LOC114841035: variants seen among roughly 807,000 people sequenced by gnomAD.
the LOC114841035 span, chr11:64,242,613 A>G: frequency 0.18 from 262,512 of 1,495,130 alleles, 23,979 homozygotes; most frequent in Admixed American, 0.3. Flanking sequence ...AGGACCAGAG[A>G]GTGCTTGGGA....
At chr11:64,243,064 T>G in the LOC114841035 span, 23 of 728,882 alleles carry the variant, frequency 3.2e-5, no homozygotes, top group Admixed American at 1.4e-4. Flanking sequence ...AGAGACTCCA[T>G]CTCAAAAAAC....
the LOC114841035 span, chr11:64,243,445 C>T: frequency 9.9e-6 from 16 of 1,614,054 alleles, no homozygotes; most frequent in Middle Eastern, 1.7e-4. Flanking sequence ...ATGTGTCTTC[C>T]TGCAGGATGT....
the LOC114841035 span, chr11:64,243,345 GC>G: frequency 1.3e-6 from 2 of 1,598,498 alleles, no homozygotes; most frequent in Non-Finnish European, 1.7e-6. Flanking sequence ...GGGAGTGGGG[GC>G]GTGCATGGCC....
the LOC114841035 span, chr11:64,243,629 G>T: frequency 8.8e-6 from 11 of 1,254,822 alleles, no homozygotes; most frequent in Non-Finnish European, 1.3e-5. Context: ...AAGTTTGGCT[G>T]TGTCTAGCAG....
chr11:64,242,462 C>T, the LOC114841035 span: 1 of 1,547,298 alleles, frequency 6.5e-7, no homozygotes, highest in Non-Finnish European at 8.7e-7. Context: ...CCACGGGGGC[C>T]GAGGGCAAAA....
the LOC114841035 span, chr11:64,243,310 G>T: frequency 1.2e-6 from 2 of 1,602,924 alleles, no homozygotes; most frequent in South Asian, 2.2e-5. Context: ...GGGGCTGCTG[G>T]GGTGAGTCAT....
At chr11:64,243,378 G>A in the LOC114841035 span, 1 of 1,607,198 alleles carries the variant, frequency 6.2e-7, no homozygotes. Flanking sequence ...GGTAAGCTGT[G>A]GGAGGCAAGC....
chr11:64,243,259 T>C, the LOC114841035 span: 1 of 1,612,836 alleles, frequency 6.2e-7, no homozygotes, highest in Non-Finnish European at 8.5e-7. Context: ...GCCCTTTGTC[T>C]TCTCCCTTGG....
At chr11:64,241,292 G>A in the LOC114841035 span, 1 of 152,312 alleles carries the variant, frequency 6.6e-6, no homozygotes. Context: ...GCCGCAGGGG[G>A]AGGGTTCTCA....
the LOC114841035 span, chr11:64,243,149 G>T: frequency 6.6e-7 from 1 of 1,522,206 alleles, no homozygotes; most frequent in Non-Finnish European, 9.1e-7. Flanking sequence ...GAGGGAGGGG[G>T]TGTCAGGGGT....
chr11:64,243,479 G>C, the LOC114841035 span: 1 of 1,613,962 alleles, frequency 6.2e-7, no homozygotes, highest in Non-Finnish European at 8.5e-7. Flanking sequence ...GCGCAAGCTG[G>C]TGATCCCATC....
the LOC114841035 span, chr11:64,242,082 C>A: frequency 3.3e-6 from 1 of 301,332 alleles, no homozygotes; most frequent in South Asian, 6.1e-5. Flanking sequence ...AACTGAAGAG[C>A]GGAGGTGGGG....
At chr11:64,243,915 G>A in the LOC114841035 span, 4 of 1,613,998 alleles carry the variant, frequency 2.5e-6, no homozygotes, top group Non-Finnish European at 3.4e-6. Flanking sequence ...CCTGCAGCCA[G>A]CCCACCTCCC....
the LOC114841035 span, chr11:64,243,669 C>A: frequency 8.7e-7 from 1 of 1,150,408 alleles, no homozygotes; most frequent in Non-Finnish European, 1.3e-6. Flanking sequence ...TTGAAGCACT[C>A]AGCTGTAGTG....
chr11:64,242,626 C>G, the LOC114841035 span: 396 of 1,476,058 alleles, frequency 2.7e-4, no homozygotes, highest in Admixed American at 3.4e-4. Flanking sequence ...GCTTGGGAGT[C>G]TGGTTCTCCA....
chr11:64,242,641 C>T, the LOC114841035 span: 6 of 1,424,816 alleles, frequency 4.2e-6, no homozygotes, highest in Non-Finnish European at 5.6e-6. Context: ...TCTCCATAAG[C>T]CAGGTAGGTG....
At chr11:64,242,350 C>T in the LOC114841035 span, 2 of 1,473,574 alleles carry the variant, frequency 1.4e-6, no homozygotes, top group Non-Finnish European at 1.8e-6. Flanking sequence ...CCCTCCCCCA[C>T]GTTCAGTCGG....
At chr11:64,243,060 T>TC in the LOC114841035 span, 1 of 706,144 alleles carries the variant, frequency 1.4e-6, no homozygotes, top group East Asian at 2.7e-5. Flanking sequence ...CAACAGAGAC[T>TC]CCATCTCAAA....
At chr11:64,243,038 C>G in the LOC114841035 span, among the ~76,000 whole-genome samples, 1 of 152,266 alleles carries the variant, frequency 6.6e-6, no homozygotes, top group African/African-American at 2.4e-5. Context: ...CGCCGCTGCA[C>G]TCCAGCCATG....
Sources: allele counts gnomAD v4.1 joint callset (sites outside exome capture counted in the v4.1 genomes callset), GRCh38; gene constraint gnomAD v4.1.1; transcripts MANE v1.5.